The following HECTD4 variants were observed in gnomAD, a reference collection of about 807,000 sequenced individuals.
HECTD4 encodes probable E3 ubiquitin-protein ligase HECTD4.
Under a neutral mutation model 471.5 loss-of-function variants are expected in HECTD4, and 114 were observed. The observed-to-expected ratio is 0.24, with a 90% CI of 0.21 to 0.28. The LOEUF is 0.28. HECTD4 is among the 10% of genes least tolerant of loss of function. The pLI is 1.00. For synonymous variants in HECTD4, 2,012 were observed against 2,256.0 expected (o/e 0.89, Z 3.07); for missense variants, 3,866 against 5,651.5 (o/e 0.68, Z 10.13).
chr12:112,376,997 A>G lies in HECTD4; in HGVS notation c.177+4955T>C, dbSNP rs546546557. 1.6e-4 allele frequency among the ~76,000 whole-genome samples: 24 copies of G among 152,312 alleles called. No homozygotes were observed. The South Asian group carries it at 4.3e-3, about 28-fold the overall frequency. On this transcript the variant is annotated intron_variant, in intron 1 of 75. Coordinates refer to ENST00000682272, the MANE Select transcript of HECTD4 (RefSeq NM_001388303.1). Reference sequence around the variant, plus strand: ...CGTGGTGGTGCGTGCCTGTAATCTCAGCTCCTCAGGGGGCTGAGGCTGGAG... The same window carrying G: ...CGTGGTGGTGCGTGCCTGTAATCTCGGCTCCTCAGGGGGCTGAGGCTGGAG...
At chr12:112,347,173 T>A (rs1484174319) in intron 1 of HECTD4, among the ~76,000 whole-genome samples, 1 of 151,956 alleles carries the variant, frequency 6.6e-6, no homozygotes. Flanking sequence ...ATAAAAAATA[T>A]CTGATGATAA....
chr12:112,200,049 T>C (rs552277604), intron 55 of HECTD4, among the ~76,000 whole-genome samples: 1 of 152,340 alleles, frequency 6.6e-6, no homozygotes, highest in South Asian at 2.1e-4. Context: ...TTGCAGCGTT[T>C]GGGTGGTCTT....
Position 112,249,765 on chromosome 12 carries a change from A to G in HECTD4, c.3950+379T>C, listed in dbSNP as rs1469267552. 7 of 242,376 alleles carry G rather than the reference A, an allele frequency of 2.9e-5. No homozygotes were observed. In the South Asian group the frequency reaches 3.4e-4, roughly 12 times the overall value. 15.0% of individuals were successfully genotyped at this position (242,376 alleles called of 1,614,324 possible). ...CTCTAGACTCTGGAAAGTAAAGTAG[A>G]GGCTGACTGCTAGTAGAAGGTCAAA... On this transcript the variant is annotated intron_variant, in intron 25 of 75. Transcript: ENST00000682272.
chr12:112,323,977 CCT>C (rs2035658002), intron 1 of HECTD4, among the ~76,000 whole-genome samples: 1 of 23,890 alleles, frequency 4.2e-5, no homozygotes, highest in Non-Finnish European at 6.7e-5. Flanking sequence ...TTCCTTCCTT[CCT>C]TCCTTCCTTC....
rs773413113 is a variant in HECTD4 at position 112,176,751 on chromosome 12, C to G, written c.11364-49G>C. ...AGACTAATGCACGTTCACACCTCCTCCCGATAGGAAATACACAGCCTCATA... is the reference window on the plus strand; with the variant it reads ...AGACTAATGCACGTTCACACCTCCTGCCGATAGGAAATACACAGCCTCATA... On this transcript the variant is annotated intron_variant, in intron 64 of 75. Coordinates refer to ENST00000682272, the MANE Select transcript of HECTD4 (RefSeq NM_001388303.1). 5.3e-6 allele frequency: 7 copies of G among 1,309,416 alleles called. No homozygotes were observed. In the East Asian group the frequency reaches 1.6e-4, roughly 30 times the overall value. 81.1% of individuals were successfully genotyped at this position (1,309,416 alleles called of 1,614,324 possible). A position where few individuals can be genotyped will look rare whatever the true frequency, so the allele number is the denominator to read the frequency against.
intron 52 of HECTD4, 32 bp from the exon 53 acceptor site, chr12:112,204,655 C>T (rs1593926884): frequency 6.4e-7 from 1 of 1,573,310 alleles, no homozygotes; most frequent in East Asian, 2.2e-5. Flanking sequence ...GGTAACTCCC[C>T]AAAGAGTACA....
rs368484304 is a variant in HECTD4 at position 112,246,956 on chromosome 12, G to A, written c.4458C>T (p.Ile1486=). 6 of 1,612,140 alleles carry A rather than the reference G, an allele frequency of 3.7e-6. No individual in the cohort carries two copies. The highest frequency in any genetic ancestry group is 2.7e-5 in the African/African-American group (2 of 74,858). ...TTCTCGTGAGGCCCGACTGGGCTGC[G>A]ATGGTGACATGCAGCAACAGCTCGG... ...NRAELLLHVT[I]AAQSGLTRSI... is the part of the protein sequence containing the mutation. The change falls in exon 29 of 76, where the codon ATC becomes ATT. Residue 1486 remains isoleucine, a synonymous_variant. Transcript: ENST00000682272.
chr12:112,196,736 A>G (rs959676762), intron 55 of HECTD4, among the ~76,000 whole-genome samples: 5 of 152,052 alleles, frequency 3.3e-5, no homozygotes, highest in Admixed American at 6.6e-5. Flanking sequence ...GACTACAGAC[A>G]TGCGCCACTG....
chr12:112,363,187 T>A (rs1339669518), intron 1 of HECTD4, among the ~76,000 whole-genome samples: 1 of 152,138 alleles, frequency 6.6e-6, no homozygotes, highest in Non-Finnish European at 1.5e-5. Flanking sequence ...TTTAATTTTT[T>A]AAAATTTATA....
intron 67 of HECTD4, 104 bp downstream of exon 67, chr12:112,172,567 C>G (rs923803525): frequency 2.6e-6 from 3 of 1,146,092 alleles, no homozygotes; most frequent in Admixed American, 2.1e-5. Flanking sequence ...CATAAGTGTT[C>G]GTTCGATGGA....
chr12:112,308,953 T>C (rs2035323077), intron 5 of HECTD4, 62 bp from the exon 6 acceptor site: 2 of 1,467,870 alleles, frequency 1.4e-6, no homozygotes, highest in African/African-American at 1.4e-5. Context: ...CCACACAAGC[T>C]ACAACAGACA....
At position 112,250,272 on chromosome 12, in the gene HECTD4, G is replaced by C. The variant is rs756257272; in HGVS notation, c.3822C>G (p.Pro1274=). 1 of 1,613,988 alleles carries C rather than the reference G, an allele frequency of 6.2e-7. No individual in the cohort carries two copies. Among genetic ancestry groups the C allele is most frequent in the Non-Finnish European group, 8.5e-7 (1 of 1,179,858 alleles). ...TIEEDREFTY[P]SDVLVPPVGN... ...CAACAGGAGGCACGAGGACATCAGA[G>C]GGGTAGGTGAATTCTCTGTCTTCCT... Residue 1274 remains proline, a synonymous_variant, in exon 25 of 76, where the codon CCC becomes CCG. Coordinates refer to ENST00000682272, the MANE Select transcript of HECTD4 (RefSeq NM_001388303.1).
intron 1 of HECTD4, among the ~76,000 whole-genome samples, chr12:112,368,962 C>T (rs1038383194): frequency 1.2e-4 from 18 of 152,326 alleles, no homozygotes; most frequent in African/African-American, 4.3e-4. Flanking sequence ...CTCACAACTG[C>T]TGTGCATTCT....
intron 55 of HECTD4, among the ~76,000 whole-genome samples, chr12:112,198,457 C>T (rs868474078): frequency 6.6e-6 from 1 of 152,140 alleles, no homozygotes; most frequent in Non-Finnish European, 1.5e-5. Context: ...GGAAGGTCTG[C>T]ATTAGAGGAG....
At chr12:112,340,217 A>G (rs2036031515) in intron 1 of HECTD4, among the ~76,000 whole-genome samples, 1 of 152,262 alleles carries the variant, frequency 6.6e-6, no homozygotes, top group African/African-American at 2.4e-5. Context: ...GCAGACTAAG[A>G]TCACCATCCC....
chr12:112,350,120 A>G (rs946550551), intron 1 of HECTD4, among the ~76,000 whole-genome samples: 1 of 151,892 alleles, frequency 6.6e-6, no homozygotes, highest in African/African-American at 2.4e-5. Flanking sequence ...ATGCCTGGCT[A>G]ATTAATTTAT....
chr12:112,226,890 C>CT (rs1010216112), intron 43 of HECTD4, 132 bp from the exon 44 acceptor site: 682 of 553,426 alleles, frequency 1.2e-3, no homozygotes, highest in South Asian at 2.4e-3. Context: ...ACTCATCTTG[C>CT]TTTTTTTTTC....
In HECTD4 at chr12:112,256,533, A is replaced by G; in HGVS notation, c.3129-15T>C. Reference sequence around the variant, plus strand: ...CTTCTAACATTCTAAACAGAAAAAGAGAAAGTGATTTAGCTTAGCAGCCAA... The same window carrying G: ...CTTCTAACATTCTAAACAGAAAAAGGGAAAGTGATTTAGCTTAGCAGCCAA... On this transcript the variant is annotated splice_polypyrimidine_tract_variant and intron_variant, in intron 20 of 75. Transcript: ENST00000682272. 1 of 1,513,910 alleles carries G rather than the reference A, an allele frequency of 6.6e-7. No individual in the cohort carries two copies. The allele number at this position is 1,513,910 out of a possible 1,614,324, so 93.8% of individuals were successfully genotyped here. A position where few individuals can be genotyped will look rare whatever the true frequency, so the allele number is the denominator to read the frequency against.
intron 54 of HECTD4, chr12:112,201,251 C>T: frequency 6.4e-6 from 2 of 310,754 alleles, no homozygotes; most frequent in South Asian, 2.5e-5. Context: ...ACCACTGTGC[C>T]CAGCTAATTT....
Sources: allele counts gnomAD v4.1 joint callset (sites outside exome capture counted in the v4.1 genomes callset), GRCh38; gene constraint gnomAD v4.1.1; transcripts MANE v1.5; gene names NCBI Gene and HGNC (gene_info 2026-07-23, HGNC 2026-07-21).